DNAI1: variants seen among roughly 807,000 people sequenced by gnomAD.
The protein encoded by DNAI1 is dynein axonemal intermediate chain 1.
Under a neutral mutation model 92.0 loss-of-function variants are expected in DNAI1, and 67 were observed. That is an observed-to-expected ratio of 0.73 (90% CI 0.60 to 0.89). The LOEUF is 0.89. DNAI1 is among the 40% of genes least tolerant of loss of function. DNAI1 has a pLI of 0.00. For missense variants in DNAI1, 839 were observed against 866.6 expected, an observed-to-expected ratio of 0.97 and a Z score of 0.40; for synonymous variants, 323 against 319.6, an observed-to-expected ratio of 1.01 and a Z score of -0.11.
At chr9:34,486,817 AT>A (rs1044203834) in intron 4 of DNAI1, among the ~76,000 whole-genome samples, 3 of 151,918 alleles carry the variant, frequency 2.0e-5, no homozygotes, top group African/African-American at 7.3e-5. Flanking sequence ...CCACTGAACT[AT>A]TTTCTGTTTC....
intron 12 of DNAI1, among the ~76,000 whole-genome samples, chr9:34,505,449 A>G (rs1233069378): frequency 2.6e-5 from 4 of 152,168 alleles, no homozygotes; most frequent in East Asian, 1.9e-4. Flanking sequence ...CTCCATCTCA[A>G]TGTCTTTCAC....
At chr9:34,485,078 G>A in intron 2 of DNAI1, 64 bp from the exon 3 acceptor site, 1 of 1,533,908 alleles carries the variant, frequency 6.5e-7, no homozygotes, top group Non-Finnish European at 9.0e-7. Context: ...GAATGAAGGG[G>A]CTTTCTGTAT....
At position 34,520,807 on chromosome 9, in the gene DNAI1, C is replaced by A; in HGVS notation, c.*51C>A. ...TCGCTTGAATACAGTACTCCTAGGG[C>A]TTGACCCTGGTACCCAGCCCAGCCT... On this transcript the variant is annotated 3_prime_UTR_variant, in exon 20 of 20. Coordinates refer to ENST00000242317, the MANE Select transcript of DNAI1 (RefSeq NM_012144.4). 3 of 1,531,004 alleles carry A rather than the reference C, an allele frequency of 2.0e-6. No homozygotes were observed. The highest frequency in any genetic ancestry group is 2.7e-6 in the Non-Finnish European group (3 of 1,128,460). 94.8% of individuals were successfully genotyped at this position (1,531,004 alleles called of 1,614,324 possible).
chr9:34,482,882 C>T (rs975325662), intron 1 of DNAI1, among the ~76,000 whole-genome samples: 46 of 152,222 alleles, frequency 3.0e-4, no homozygotes, highest in African/African-American at 1.1e-3. Context: ...TCAGGCATGG[C>T]GGGCTGCAGG....
chr9:34,480,715 G>A (rs1308691029), intron 1 of DNAI1, among the ~76,000 whole-genome samples: 3 of 151,958 alleles, frequency 2.0e-5, no homozygotes, highest in Non-Finnish European at 2.9e-5. Flanking sequence ...AGGCTGAAGC[G>A]GGTGGATCAC....
chr9:34,459,023 G>A lies in DNAI1; in HGVS notation c.18G>A (p.Ala6=), dbSNP rs1823881942. The change falls in exon 1 of 20, where the codon GCG becomes GCA. Residue 6 remains alanine (A), a synonymous_variant. Transcript: ENST00000242317. MIPAS[A]KAPHKQPHKQ... ...GGGTTGAGATGATTCCTGCTTCTGC[G>A]AAGGCTCCCCATAAACAGCCTCATA... 1.2e-6 allele frequency: 2 copies of A among 1,614,142 alleles called. No individual in the cohort carries two copies. Among genetic ancestry groups the A allele is most frequent in the Non-Finnish European group, 1.7e-6 (2 of 1,180,012 alleles).
chr9:34,494,932 C>T (rs1365837241), intron 9 of DNAI1, among the ~76,000 whole-genome samples: 1 of 152,194 alleles, frequency 6.6e-6, no homozygotes, highest in Non-Finnish European at 1.5e-5. Flanking sequence ...AGTCACCTTC[C>T]CCATTGCCCA....
chr9:34,484,137 C>T (rs973727086), intron 2 of DNAI1, among the ~76,000 whole-genome samples: 1 of 152,172 alleles, frequency 6.6e-6, no homozygotes, highest in African/African-American at 2.4e-5. Flanking sequence ...ATTGCTTGAA[C>T]CCAGAAGGTG....
chr9:34,474,567 C>CTTTTT (rs55701117), intron 1 of DNAI1, among the ~76,000 whole-genome samples: 8 of 107,854 alleles, frequency 7.4e-5, no homozygotes, highest in African/African-American at 1.3e-4. Flanking sequence ...TTTTTTTTTC[C>CTTTTT]TTTTTTTTTT....
intron 10 of DNAI1, among the ~76,000 whole-genome samples, chr9:34,500,285 G>C (rs2132071552): frequency 2.0e-5 from 3 of 152,190 alleles, no homozygotes; most frequent in Admixed American, 2.0e-4. Context: ...ATGAAAATGG[G>C]CTGCATTTTA....
At chr9:34,488,254 A>C (rs753195295) in intron 4 of DNAI1, 6 of 176,770 alleles carry the variant, frequency 3.4e-5, no homozygotes, top group Non-Finnish European at 7.3e-5. Context: ...AAAGTCATGA[A>C]GATAAGAAGC....
chr9:34,520,309 T>C (rs1253152984), intron 19 of DNAI1, among the ~76,000 whole-genome samples: 1 of 152,122 alleles, frequency 6.6e-6, no homozygotes, highest in Non-Finnish European at 1.5e-5. Context: ...GTGCCAGCAG[T>C]CAGCCCCCCG....
At chr9:34,484,213 T>A (rs1311115188) in intron 2 of DNAI1, among the ~76,000 whole-genome samples, 1 of 152,148 alleles carries the variant, frequency 6.6e-6, no homozygotes, top group African/African-American at 2.4e-5. Flanking sequence ...AGACTCCATC[T>A]CAAATAAATA....
At chr9:34,493,820 A>G (rs1476030573) in intron 9 of DNAI1, among the ~76,000 whole-genome samples, 1 of 152,178 alleles carries the variant, frequency 6.6e-6, no homozygotes, top group Non-Finnish European at 1.5e-5. Context: ...CATAAATGCT[A>G]GGCCAATGGA....
Position 34,474,418 on chromosome 9 carries a change from G to A in DNAI1, c.49-9030G>A, listed in dbSNP as rs554271234. Among the ~76,000 whole-genome samples the A allele has an allele frequency of 1.3e-4, 19 of 151,408 alleles. No individual in the cohort carries two copies. The South Asian group carries it at 4.0e-3, about 32-fold the overall frequency. The stretch of plus-strand genomic sequence containing the variant: ...CCTGGCTAATTTTGTTTATTTTTTT[G>A]TAGAGATGAAGTCTCACTATGTTGC... On this transcript the variant is annotated intron_variant, in intron 1 of 19. Coordinates refer to ENST00000242317, the MANE Select transcript of DNAI1 (RefSeq NM_012144.4).
At chr9:34,509,033 C>G (rs1273372076) in intron 13 of DNAI1, among the ~76,000 whole-genome samples, 1 of 152,188 alleles carries the variant, frequency 6.6e-6, no homozygotes, top group African/African-American at 2.4e-5. Flanking sequence ...GTAACTCCTC[C>G]CTGTGTGCTC....
intron 13 of DNAI1, among the ~76,000 whole-genome samples, chr9:34,507,597 G>A (rs555908120): frequency 8.5e-5 from 13 of 152,310 alleles, no homozygotes; most frequent in East Asian, 5.8e-4. Context: ...CCTGTGTATA[G>A]TTGGACCCAT....
At position 34,458,890 on chromosome 9, in the gene DNAI1, T is replaced by C. The variant is rs62619982; in HGVS notation, c.-116T>C. On this transcript the variant is annotated 5_prime_UTR_variant, in exon 1 of 20. Coordinates refer to ENST00000242317, the MANE Select transcript of DNAI1 (RefSeq NM_012144.4). The surrounding 1 kb of genome is among the most constrained non-coding windows in gnomAD (Gnocchi z 6.6). The stretch of plus-strand genomic sequence containing the variant: ...AACGACGGCTGTCCCTAAAGAACCG[T>C]TGCGACTGGTAACTGAAGTGGAAGA... 1.1e-3 allele frequency: 985 copies of C among 902,200 alleles called. 7 individuals are homozygous for C. The African/African-American group carries it at 0.014, about 13-fold the overall frequency. The allele number at this position is 902,200 out of a possible 1,614,324, so 55.9% of individuals were successfully genotyped here.
At position 34,506,755 on chromosome 9, in the gene DNAI1, C is replaced by G. The variant is rs1324726689; in HGVS notation, c.1192C>G (p.Leu398Val). The change falls in exon 13 of 20, where the codon CTG becomes GTG. Residue 398 changes from leucine (L) to valine (V), a missense_variant. Transcript: ENST00000242317. Reference protein sequence around the residue: ...CLDIHVDHPYLVAVGHYDGNV... With the variant: ...CLDIHVDHPYVVAVGHYDGNV... Reference sequence around the variant, plus strand: ...CGACATCCACGTGGACCACCCCTACCTGGTGGCAGTAGGCCACTATGACGG... The same window carrying G: ...CGACATCCACGTGGACCACCCCTACGTGGTGGCAGTAGGCCACTATGACGG... The G allele has an allele frequency of 1.2e-6, 2 of 1,614,076 alleles. No individual in the cohort carries two copies. The highest frequency in any genetic ancestry group is 1.7e-6 in the Non-Finnish European group (2 of 1,180,048).
Sources: gnomAD v4.1 joint callset for allele counts (sites outside exome capture counted in the v4.1 genomes callset) on GRCh38, gnomAD v4.1.1 for gene constraint, Gnocchi (gnomAD v3.1) non-coding constraint, MANE v1.5 for transcripts, NCBI Gene and HGNC (gene_info 2026-07-23, HGNC 2026-07-21) for gene names.